The following NPR3 variants were observed in gnomAD, a reference collection of about 807,000 sequenced individuals.
NPR3 encodes the protein atrial natriuretic peptide receptor 3.
In NPR3, 34 loss-of-function variants were observed where a neutral mutation model predicts 54.5. The observed-to-expected ratio is 0.62, with a 90% CI of 0.47 to 0.83. The LOEUF (loss-of-function observed/expected upper bound fraction) is 0.83. NPR3 is among the 40% of genes least tolerant of loss of function. The pLI is 0.00. For missense variants in NPR3, 674 were observed against 720.8 expected (o/e 0.94, Z 0.74); for synonymous variants, 289 against 297.1 (o/e 0.97, Z 0.28).
At chr5:32,692,203 A>G (rs542129090) in intron 1 of NPR3, among the ~76,000 whole-genome samples, 12 of 152,334 alleles carry the variant, frequency 7.9e-5, no homozygotes, top group African/African-American at 2.6e-4. Flanking sequence ...TCACTAGTAC[A>G]TGAATGATTT....
Position 32,790,357 on chromosome 5 carries a change from CCCACATCCA to C in NPR3, c.*4014_*4022del, listed in dbSNP as rs1742846615. On this transcript the variant is annotated 3_prime_UTR_variant, in exon 8 of 8. Coordinates refer to ENST00000265074, the MANE Select transcript of NPR3 (RefSeq NM_001204375.2). ...CTTTACTGCCCCTTCTGCCCCTCCA[CCCACATCCA>C]CATTCAGCATCACTCCAAGGATGTG... 2.0e-5 allele frequency: 3 copies of C among 149,334 alleles called. No individual in the cohort carries two copies. The highest frequency in any genetic ancestry group is 1.3e-4 in the African/African-American group (3 of 23,618). 9.3% of individuals were successfully genotyped at this position (149,334 alleles called of 1,614,324 possible). A position where few individuals can be genotyped will look rare whatever the true frequency, so the allele number is the denominator to read the frequency against.
At chr5:32,726,016 C>A (rs939007097) in intron 2 of NPR3, among the ~76,000 whole-genome samples, 4 of 152,170 alleles carry the variant, frequency 2.6e-5, no homozygotes, top group African/African-American at 9.7e-5. Flanking sequence ...CAAGACATTT[C>A]TCCCCCAAAT....
At chr5:32,767,259 C>A (rs1579683422) in intron 3 of NPR3, among the ~76,000 whole-genome samples, 1 of 152,318 alleles carries the variant, frequency 6.6e-6, no homozygotes, top group East Asian at 1.9e-4. Context: ...CAGCTTTAGA[C>A]TCTTAAAAAC....
At chr5:32,735,180 A>G (rs1157820780) in intron 2 of NPR3, among the ~76,000 whole-genome samples, 3 of 152,180 alleles carry the variant, frequency 2.0e-5, no homozygotes, top group Admixed American at 6.5e-5. Flanking sequence ...TCACTTGGGC[A>G]TTCTGCAGTC....
At chr5:32,743,817 G>A (rs1740153721) in intron 3 of NPR3, among the ~76,000 whole-genome samples, 1 of 151,838 alleles carries the variant, frequency 6.6e-6, no homozygotes, top group African/African-American at 2.4e-5. Context: ...GGTTGTTTAG[G>A]GCTAGTCTAT....
At chr5:32,732,596 C>CTTCCTTGGGGT (rs1466346381) in intron 2 of NPR3, among the ~76,000 whole-genome samples, 2 of 152,164 alleles carry the variant, frequency 1.3e-5, no homozygotes, top group African/African-American at 2.4e-5. Flanking sequence ...GACTCTGAAG[C>CTTCCTTGGGGT]ACCCTTTTCC....
intron 3 of NPR3, among the ~76,000 whole-genome samples, chr5:32,746,441 A>G (rs3828586): frequency 0.33 from 49,886 of 151,906 alleles, 8,355 homozygotes; most frequent in Middle Eastern, 0.39. Context: ...ACTGTCCTGA[A>G]CCCTGTTTAT....
chr5:32,778,086 G>T (rs977461388), intron 4 of NPR3, among the ~76,000 whole-genome samples: 1 of 152,156 alleles, frequency 6.6e-6, no homozygotes, highest in Non-Finnish European at 1.5e-5. Flanking sequence ...AGGTGCCAAT[G>T]ATGGCTGGAA....
chr5:32,751,173 A>G (rs1019380354), intron 3 of NPR3, among the ~76,000 whole-genome samples: 12 of 152,178 alleles, frequency 7.9e-5, no homozygotes, highest in Non-Finnish European at 1.5e-5. Flanking sequence ...AATTGGAGAT[A>G]TTTGTGTCCT....
chr5:32,703,744 T>G (rs1181304035), intron 1 of NPR3, among the ~76,000 whole-genome samples: 1 of 152,210 alleles, frequency 6.6e-6, no homozygotes, highest in East Asian at 1.9e-4. Context: ...GACAGTCCTC[T>G]TTTCTCTTCC....
At chr5:32,712,642 T>G in intron 1 of NPR3, 97 bp downstream of exon 1, 1 of 1,210,344 alleles carries the variant, frequency 8.3e-7, no homozygotes, top group Non-Finnish European at 1.1e-6. Flanking sequence ...CACTCCCCAC[T>G]GCGGCGCTGA....
upstream of NPR3, among the ~76,000 whole-genome samples, chr5:32,706,061 G>A (rs973713131): frequency 1.3e-5 from 2 of 152,082 alleles, no homozygotes; most frequent in Non-Finnish European, 2.9e-5. Flanking sequence ...GGTCATGGGG[G>A]CGTATCCCTC....
At chr5:32,776,588 A>C (rs1742058461) in intron 4 of NPR3, among the ~76,000 whole-genome samples, 1 of 152,222 alleles carries the variant, frequency 6.6e-6, no homozygotes, top group Non-Finnish European at 1.5e-5. Flanking sequence ...CTCAATGAAA[A>C]TGAACATGAA....
At chr5:32,701,605 C>T (rs1579570735) in intron 1 of NPR3, among the ~76,000 whole-genome samples, 2 of 152,268 alleles carry the variant, frequency 1.3e-5, no homozygotes, top group East Asian at 3.9e-4. Flanking sequence ...AAGAGTTAGG[C>T]ATCTATTGTA....
intron 1 of NPR3, among the ~76,000 whole-genome samples, chr5:32,723,292 G>A (rs1222246279): frequency 6.6e-6 from 1 of 152,108 alleles, no homozygotes. Context: ...AAATAGACTG[G>A]GTAATGGTCA....
At chr5:32,768,405 A>G (rs759631306) in intron 3 of NPR3, among the ~76,000 whole-genome samples, 1 of 152,192 alleles carries the variant, frequency 6.6e-6, no homozygotes, top group Non-Finnish European at 1.5e-5. Context: ...ATATCATATG[A>G]CCATATTCCC....
intron 3 of NPR3, among the ~76,000 whole-genome samples, chr5:32,739,671 G>T (rs775012610): frequency 4.6e-5 from 7 of 152,184 alleles, no homozygotes; most frequent in Non-Finnish European, 5.9e-5. Context: ...TCATCTAAGA[G>T]CTGGCACCGC....
At chr5:32,783,143 C>A in intron 6 of NPR3, 115 bp downstream of exon 6, 1 of 976,560 alleles carries the variant, frequency 1.0e-6, no homozygotes, top group Non-Finnish European at 1.5e-6. Context: ...ACATTTCTTT[C>A]TCTGATGTGG....
chr5:32,733,239 G>A lies in NPR3; in HGVS notation c.893-5625G>A, dbSNP rs369143690. Among the ~76,000 whole-genome samples the A allele has an allele frequency of 1.4e-3, 211 of 152,152 alleles. 2 individuals are homozygous for A. The highest frequency in any genetic ancestry group is 2.6e-3 in the Non-Finnish European group (178 of 67,998). ...ATTATTACTAATTACTAGATTGTTT[G>A]GTCTTGGTGAGCACTCAAAAAAAGA... On this transcript the variant is annotated intron_variant, in intron 2 of 7. Coordinates refer to ENST00000265074, the MANE Select transcript of NPR3 (RefSeq NM_001204375.2).
Sources: gnomAD v4.1 joint callset for allele counts (sites outside exome capture counted in the v4.1 genomes callset) on GRCh38, gnomAD v4.1.1 for gene constraint, MANE v1.5 for transcripts, NCBI Gene and HGNC (gene_info 2026-07-23, HGNC 2026-07-21) for gene names.